The following CNTNAP5 variants were observed in gnomAD, a reference collection of about 807,000 sequenced individuals.
CNTNAP5 encodes the protein contactin-associated protein-like 5.
CNTNAP5 carries 72 observed loss-of-function variants against 150.2 expected under a neutral mutation model. The ratio of observed to expected loss-of-function variants is 0.48; its 90% CI spans 0.40 to 0.58. CNTNAP5 has a LOEUF of 0.58. Ranked by LOEUF, CNTNAP5 falls within the 20% of genes least tolerant of loss-of-function variation. The probability of loss-of-function intolerance (pLI) is 0.00; values close to 1 mark genes in which losing one functional copy is unlikely to be tolerated. For synonymous variants in CNTNAP5, 672 were observed against 619.8 expected (o/e 1.08, Z -1.25); for missense variants, 1,636 against 1,626.2 (o/e 1.01, Z -0.10).
intron 13 of CNTNAP5, among the ~76,000 whole-genome samples, chr2:124,729,458 G>T (rs1439047091): frequency 1.3e-5 from 2 of 151,914 alleles, no homozygotes; most frequent in Admixed American, 6.6e-5. Flanking sequence ...CAATTTTTCT[G>T]ACTAGGTAAA....
intron 1 of CNTNAP5, among the ~76,000 whole-genome samples, chr2:124,184,721 T>C (rs1278052757): frequency 2.6e-5 from 4 of 152,154 alleles, no homozygotes; most frequent in African/African-American, 9.7e-5. Flanking sequence ...TTTGTTACCA[T>C]GGCTGAGACC....
chr2:124,717,586 G>A (rs972032012), intron 13 of CNTNAP5, among the ~76,000 whole-genome samples: 2 of 152,092 alleles, frequency 1.3e-5, no homozygotes, highest in South Asian at 2.1e-4. Context: ...TAGAAACTCC[G>A]ATTTAGTCCA....
chr2:124,816,693 G>T (rs539365858), intron 19 of CNTNAP5, among the ~76,000 whole-genome samples: 1 of 151,786 alleles, frequency 6.6e-6, no homozygotes, highest in Non-Finnish European at 1.5e-5. Flanking sequence ...GGTCAGGCTG[G>T]TCTTGAACTC....
chr2:124,911,380 G>A lies in CNTNAP5; in HGVS notation c.3656-87G>A, dbSNP rs537585025. On this transcript the variant is annotated intron_variant, in intron 22 of 23. Transcript: ENST00000682447. Reference sequence around the variant, plus strand: ...TGAGGGCACCTGGTGTAATGCACAGGTGTGTCATTCCAGGTGGGCCACACT... The same window carrying A: ...TGAGGGCACCTGGTGTAATGCACAGATGTGTCATTCCAGGTGGGCCACACT... The A allele has an allele frequency of 5.4e-5, 49 of 902,214 alleles. 1 individual carries two copies. Among genetic ancestry groups the A allele is most frequent in the Non-Finnish European group, 7.6e-5 (42 of 555,596 alleles). 55.9% of individuals were successfully genotyped at this position (902,214 alleles called of 1,614,324 possible). A position where few individuals can be genotyped will look rare whatever the true frequency, so the allele number is the denominator to read the frequency against.
chr2:124,842,280 C>A (rs1467853847), intron 19 of CNTNAP5, among the ~76,000 whole-genome samples: 1 of 152,102 alleles, frequency 6.6e-6, no homozygotes, highest in Non-Finnish European at 1.5e-5. Context: ...CATAAAACAT[C>A]GGTCAGTTTC....
intron 6 of CNTNAP5, among the ~76,000 whole-genome samples, chr2:124,457,526 A>G (rs1292363129): frequency 6.6e-6 from 1 of 152,022 alleles, no homozygotes; most frequent in Non-Finnish European, 1.5e-5. Flanking sequence ...TTTTTTTATT[A>G]GGAAAATGTC....
At chr2:124,872,850 A>G (rs2104729103) in intron 21 of CNTNAP5, among the ~76,000 whole-genome samples, 1 of 152,170 alleles carries the variant, frequency 6.6e-6, no homozygotes, top group South Asian at 2.1e-4. Flanking sequence ...TAGCATTCAT[A>G]TGACCCTTCA....
chr2:124,650,525 A>G (rs1678299378), intron 13 of CNTNAP5, among the ~76,000 whole-genome samples: 1 of 152,150 alleles, frequency 6.6e-6, no homozygotes. Context: ...TATTATTATT[A>G]AGCCACTCAT....
chr2:124,848,259 G>C (rs1683089918), intron 19 of CNTNAP5, among the ~76,000 whole-genome samples: 1 of 152,062 alleles, frequency 6.6e-6, no homozygotes, highest in African/African-American at 2.4e-5. Context: ...CCACATATAA[G>C]TAAGAACATA....
chr2:124,900,622 G>C (rs757221211), intron 21 of CNTNAP5, among the ~76,000 whole-genome samples: 3 of 151,508 alleles, frequency 2.0e-5, no homozygotes, highest in Non-Finnish European at 4.4e-5. Context: ...TACATCTGGA[G>C]TATGTCATGA....
At chr2:124,585,881 C>A (rs4848942) in intron 11 of CNTNAP5, among the ~76,000 whole-genome samples, 64,252 of 151,646 alleles carry the variant, frequency 0.42, 14,001 homozygotes, top group South Asian at 0.59. Flanking sequence ...GGCTAAAACA[C>A]TTCTCTCTTT....
chr2:124,654,750 T>C (rs189457334), intron 13 of CNTNAP5, among the ~76,000 whole-genome samples: 10 of 152,038 alleles, frequency 6.6e-5, no homozygotes, highest in African/African-American at 2.4e-4. Context: ...TTTTTCTTTG[T>C]CCTTCCTTCT....
At chr2:124,608,373 T>C (rs1436754714) in intron 11 of CNTNAP5, among the ~76,000 whole-genome samples, 2 of 152,154 alleles carry the variant, frequency 1.3e-5, no homozygotes, top group East Asian at 3.9e-4. Flanking sequence ...TAATAAAATT[T>C]ATATATTTCC....
intron 1 of CNTNAP5, among the ~76,000 whole-genome samples, chr2:124,171,917 G>C (rs1684942936): frequency 6.6e-6 from 1 of 152,166 alleles, no homozygotes; most frequent in South Asian, 2.1e-4. Context: ...ATTTGTCCTT[G>C]TGTACTCAAA....
intron 8 of CNTNAP5, among the ~76,000 whole-genome samples, chr2:124,517,883 T>C (rs1208492044): frequency 6.6e-6 from 1 of 151,594 alleles, no homozygotes; most frequent in Non-Finnish European, 1.5e-5. Flanking sequence ...GTAGTGTTGG[T>C]GATGGAGGGT....
chr2:124,386,756 A>G (rs78812896), intron 3 of CNTNAP5, among the ~76,000 whole-genome samples: 8,199 of 151,956 alleles, frequency 0.054, 248 homozygotes, highest in Non-Finnish European at 0.068. Flanking sequence ...CACTTTTCTG[A>G]TCATGCTCTG....
intron 6 of CNTNAP5, among the ~76,000 whole-genome samples, chr2:124,466,929 G>T (rs548498662): frequency 2.2e-4 from 33 of 152,264 alleles, no homozygotes; most frequent in Admixed American, 1.4e-3. Context: ...AATGAAATCT[G>T]TGAAGGAAAA....
chr2:124,148,890 A>G (rs1684330878), intron 1 of CNTNAP5, among the ~76,000 whole-genome samples: 1 of 151,952 alleles, frequency 6.6e-6, no homozygotes, highest in African/African-American at 2.4e-5. Context: ...ACACACATAT[A>G]TGTATGTATA....
intron 20 of CNTNAP5, among the ~76,000 whole-genome samples, chr2:124,866,699 G>A (rs1460963566): frequency 6.6e-6 from 1 of 152,110 alleles, no homozygotes; most frequent in Non-Finnish European, 1.5e-5. Context: ...AGCAGCAGAT[G>A]ATGGCAGAGC....
Sources: allele counts gnomAD v4.1 joint callset (sites outside exome capture counted in the v4.1 genomes callset), GRCh38; gene constraint gnomAD v4.1.1; transcripts MANE v1.5; gene names NCBI Gene and HGNC (gene_info 2026-07-23, HGNC 2026-07-21).